The following SMIM7 variants were observed in gnomAD, a reference collection of about 807,000 sequenced individuals.
SMIM7 encodes small integral membrane protein 7.
SMIM7 carries 12 observed loss-of-function variants against 13.3 expected under a neutral mutation model. The ratio of observed to expected loss-of-function variants is 0.90; its 90% CI spans 0.58 to 1.46. The LOEUF (loss-of-function observed/expected upper bound fraction) is 1.46. SMIM7 is among the 40% of genes most tolerant of loss of function. SMIM7 has a pLI of 0.00. For synonymous variants in SMIM7, 36 were observed against 35.8 expected (o/e 1.01, Z -0.02); for missense variants, 114 against 94.8 (o/e 1.20, Z -0.84).
At chr19:16,633,668 A>G (rs2086338212) in intron 4 of SMIM7, 1 of 152,120 alleles carries the variant, frequency 6.6e-6, no homozygotes, top group Non-Finnish European at 1.5e-5. Flanking sequence ...AGCTGCAGTG[A>G]GCTACAACTG....
downstream of SMIM7, among the ~76,000 whole-genome samples, chr19:16,644,489 T>C (rs947555318): frequency 6.0e-5 from 9 of 150,100 alleles, no homozygotes; most frequent in East Asian, 1.6e-3. Flanking sequence ...CAGGCTGGAG[T>C]GCACTGGCAC....
chr19:16,638,967 T>C (rs893757566), intron 4 of SMIM7: 12 of 152,162 alleles, frequency 7.9e-5, no homozygotes, highest in African/African-American at 2.9e-4. Flanking sequence ...CACAATGTAC[T>C]CTAATTAGAT....
In SMIM7 at chr19:16,649,481, G is replaced by A. The variant is rs1405868282; in HGVS notation, c.213-2220C>T. ...CCAGTTACTCAGGAGGCTGAGGCAGGAGAATCACTTGAACCCGGGAGGTGG... is the reference window on the plus strand; with the variant it reads ...CCAGTTACTCAGGAGGCTGAGGCAGAAGAATCACTTGAACCCGGGAGGTGG... On this transcript the variant is annotated intron_variant, in intron 4 of 4. Coordinates refer to ENST00000487416, the MANE Select transcript of SMIM7 (RefSeq NM_024104.4). Among the ~76,000 whole-genome samples, 7 of 152,270 alleles carry A rather than the reference G, an allele frequency of 4.6e-5. No individual in the cohort carries two copies. In the East Asian group the frequency reaches 1.4e-3, roughly 29 times the overall value.
rs917367926 is a variant in SMIM7, at chr19:16,647,361, G to C, written c.213-100C>G. ...TTACATGACTATTACCTATTACTTAGATGATTTTACATGATTGTCTGATTT... is the reference window on the plus strand; with the variant it reads ...TTACATGACTATTACCTATTACTTACATGATTTTACATGATTGTCTGATTT... On this transcript the variant is annotated intron_variant, in intron 4 of 4. Transcript: ENST00000487416. The C allele has an allele frequency of 5.0e-6, 7 of 1,398,840 alleles. No individual in the cohort carries two copies. In the African/African-American group the frequency reaches 9.9e-5, roughly 20 times the overall value. 86.7% of individuals were successfully genotyped at this position (1,398,840 alleles called of 1,614,324 possible).
At position 16,647,086 on chromosome 19, in the gene SMIM7, C is replaced by G. The variant is rs1325350767; in HGVS notation, c.*160G>C. Reference sequence around the variant, plus strand: ...TGAAAACAGGGACGTGGCTGGGAAACCATGCACACCTCGGCGAACACTTTT... The same window carrying G: ...TGAAAACAGGGACGTGGCTGGGAAAGCATGCACACCTCGGCGAACACTTTT... On this transcript the variant is annotated 3_prime_UTR_variant, in exon 5 of 5. Transcript: ENST00000487416. 2.4e-5 allele frequency: 20 copies of G among 836,068 alleles called. No homozygotes were observed. In the East Asian group the frequency reaches 4.3e-4, roughly 18 times the overall value. 51.8% of individuals were successfully genotyped at this position (836,068 alleles called of 1,614,324 possible). A position where few individuals can be genotyped will look rare whatever the true frequency, so the allele number is the denominator to read the frequency against.
intron 4 of SMIM7, among the ~76,000 whole-genome samples, chr19:16,649,118 G>A (rs1038406447): frequency 1.3e-5 from 2 of 152,164 alleles, no homozygotes; most frequent in East Asian, 1.9e-4. Flanking sequence ...TGTAACCCTC[G>A]TAGGCTGCAG....
At chr19:16,632,492 C>T (rs539165695) in intron 4 of SMIM7, among the ~76,000 whole-genome samples, 4 of 150,926 alleles carry the variant, frequency 2.7e-5, no homozygotes, top group Non-Finnish European at 5.9e-5. Context: ...AAACACAACA[C>T]GGCTGGGACA....
intron 4 of SMIM7, chr19:16,638,904 A>G (rs1599359898): frequency 6.6e-6 from 1 of 152,142 alleles, no homozygotes; most frequent in Admixed American, 6.6e-5. Flanking sequence ...TCTGAGCTAC[A>G]CCTCCAACTT....
downstream of SMIM7, among the ~76,000 whole-genome samples, chr19:16,643,269 C>T (rs140511417): frequency 6.6e-6 from 1 of 152,288 alleles, no homozygotes; most frequent in Non-Finnish European, 1.5e-5. Flanking sequence ...TGATTATGCA[C>T]AGAAGAAAGG....
chr19:16,657,739 A>G (rs1179628002), intron 3 of SMIM7, among the ~76,000 whole-genome samples: 1 of 152,196 alleles, frequency 6.6e-6, no homozygotes, highest in African/African-American at 2.4e-5. Context: ...TGTCTTCAAA[A>G]TCTCAGCTCG....
chr19:16,632,493 G>A (rs567907971), intron 4 of SMIM7, among the ~76,000 whole-genome samples: 10 of 151,926 alleles, frequency 6.6e-5, no homozygotes, highest in African/African-American at 2.4e-4. Flanking sequence ...AACACAACAC[G>A]GCTGGGACAC....
chr19:16,643,381 T>C (rs1323021073), downstream of SMIM7, among the ~76,000 whole-genome samples: 2 of 152,224 alleles, frequency 1.3e-5, no homozygotes, highest in East Asian at 3.8e-4. Context: ...GTTTCTTCAA[T>C]GAATATGCAT....
At chr19:16,639,740 T>TTCTCACGAGATCTGATGTTTTTA (rs2086391759) in intron 4 of SMIM7, among the ~76,000 whole-genome samples, 1 of 152,114 alleles carries the variant, frequency 6.6e-6, no homozygotes, top group Non-Finnish European at 1.5e-5. Context: ...TGATAGTAAG[T>TTCTCACGAGATCTGATGTTTTTA]TCTCACGAGA....
intron 3 of SMIM7, among the ~76,000 whole-genome samples, chr19:16,655,680 C>CAAAAAAAAAAAA (rs869256040): frequency 2.6e-5 from 1 of 38,502 alleles, no homozygotes; most frequent in African/African-American, 9.5e-5. Context: ...GACTCCATCT[C>CAAAAAAAAAAAA]AAAAAAAAAA....
intron 3 of SMIM7, among the ~76,000 whole-genome samples, chr19:16,658,717 G>A (rs2086627757): frequency 6.6e-6 from 1 of 152,182 alleles, no homozygotes; most frequent in Non-Finnish European, 1.5e-5. Flanking sequence ...CAACAGCTAT[G>A]TGTGAGGTTG....
chr19:16,641,775 T>C (rs542483173), downstream of SMIM7, among the ~76,000 whole-genome samples: 1 of 152,272 alleles, frequency 6.6e-6, no homozygotes, highest in African/African-American at 2.4e-5. Flanking sequence ...GTTTTTGTAT[T>C]TTTAGTAGAG....
At chr19:16,648,699 G>A (rs981694367) in intron 4 of SMIM7, among the ~76,000 whole-genome samples, 2 of 152,132 alleles carry the variant, frequency 1.3e-5, no homozygotes, top group Admixed American at 1.3e-4. Flanking sequence ...AACCATCAGG[G>A]AAATGTGAAT....
chr19:16,659,108 C>T (rs2086633551), intron 3 of SMIM7: 2 of 464,176 alleles, frequency 4.3e-6, no homozygotes, highest in East Asian at 8.4e-5. Context: ...CGTGGAGAAA[C>T]CCCATCTCTA....
chr19:16,639,272 A>C (rs551608264), intron 4 of SMIM7, among the ~76,000 whole-genome samples: 37 of 151,632 alleles, frequency 2.4e-4, no homozygotes, highest in Non-Finnish European at 3.7e-4. Context: ...ATAGGCGCCC[A>C]CCACCTCGCC....
Sources: gnomAD v4.1 joint callset for allele counts (sites outside exome capture counted in the v4.1 genomes callset) on GRCh38, gnomAD v4.1.1 for gene constraint, MANE v1.5 for transcripts, NCBI Gene and HGNC (gene_info 2026-07-23, HGNC 2026-07-21) for gene names.